The following DPYD variants were observed in gnomAD, a reference collection of about 807,000 sequenced individuals.
The protein encoded by DPYD is dihydropyrimidine dehydrogenase, also known as dihydropyrimidine dehydrogenase [NADP(+)].
DPYD carries 109 observed loss-of-function variants against 116.2 expected under a neutral mutation model. The ratio of observed to expected loss-of-function variants is 0.94; its 90% CI spans 0.80 to 1.10. The LOEUF (loss-of-function observed/expected upper bound fraction) is 1.10, where lower values mean the gene tolerates loss of function less well. Ranked by LOEUF, DPYD falls within the 50% of genes least tolerant of loss-of-function variation. DPYD has a pLI of 0.00. For missense variants in DPYD, 1,302 were observed against 1,254.5 expected (o/e 1.04, Z -0.57); for synonymous variants, 440 against 432.0 (o/e 1.02, Z -0.23).
At chr1:97,641,942 T>C (rs1657932337) in intron 8 of DPYD, among the ~76,000 whole-genome samples, 1 of 152,094 alleles carries the variant, frequency 6.6e-6, no homozygotes, top group African/African-American at 2.4e-5. Flanking sequence ...TCACAAGCAT[T>C]CTTATACACC....
intron 12 of DPYD, chr1:97,546,507 T>A: frequency 1.2e-6 from 2 of 1,601,346 alleles, no homozygotes; most frequent in Admixed American, 1.7e-5. Flanking sequence ...ACAAAGATGA[T>A]GAAGCAGAGT....
intron 3 of DPYD, among the ~76,000 whole-genome samples, chr1:97,795,092 C>G (rs1243231246): frequency 2.0e-5 from 3 of 151,894 alleles, no homozygotes; most frequent in Admixed American, 2.0e-4. Context: ...TGTGAGAAAG[C>G]AGTCTTAACT....
At chr1:97,624,108 A>C (rs2100777603) in intron 8 of DPYD, among the ~76,000 whole-genome samples, 1 of 152,176 alleles carries the variant, frequency 6.6e-6, no homozygotes, top group South Asian at 2.1e-4. Flanking sequence ...CAGGCAACAA[A>C]AGCAAAAATA....
At chr1:97,138,061 T>C (rs1269033097) in intron 20 of DPYD, among the ~76,000 whole-genome samples, 1 of 152,118 alleles carries the variant, frequency 6.6e-6, no homozygotes, top group African/African-American at 2.4e-5. Context: ...CTTTTTTCAG[T>C]GTCCACCAAC....
chr1:97,497,092 A>G (rs1679307900), intron 13 of DPYD, among the ~76,000 whole-genome samples: 1 of 151,830 alleles, frequency 6.6e-6, no homozygotes, highest in African/African-American at 2.4e-5. Flanking sequence ...TTATATCTAG[A>G]ATGATAAAAT....
At chr1:97,088,424 T>C (rs928624354) in intron 21 of DPYD, among the ~76,000 whole-genome samples, 2 of 152,228 alleles carry the variant, frequency 1.3e-5, no homozygotes, top group African/African-American at 2.4e-5. Context: ...TTTGTGAGAC[T>C]GAATTTCCAA....
intron 20 of DPYD, among the ~76,000 whole-genome samples, chr1:97,132,386 T>C (rs1653407214): frequency 6.6e-6 from 1 of 152,152 alleles, no homozygotes; most frequent in African/African-American, 2.4e-5. Flanking sequence ...CCACATTCAT[T>C]AACATAGCTA....
At chr1:97,269,340 A>G (rs1664429302) in intron 18 of DPYD, among the ~76,000 whole-genome samples, 1 of 152,122 alleles carries the variant, frequency 6.6e-6, no homozygotes, top group Non-Finnish European at 1.5e-5. Flanking sequence ...CTGAGCCCTC[A>G]CCAGAATTGT....
At chr1:97,236,087 T>C (rs889591266) in intron 18 of DPYD, among the ~76,000 whole-genome samples, 1 of 152,162 alleles carries the variant, frequency 6.6e-6, no homozygotes, top group Non-Finnish European at 1.5e-5. Flanking sequence ...CATCCCAGAG[T>C]ACATTAATGC....
At chr1:97,199,349 T>G (rs1238492091) in intron 19 of DPYD, among the ~76,000 whole-genome samples, 2 of 152,054 alleles carry the variant, frequency 1.3e-5, no homozygotes, top group Admixed American at 1.3e-4. Context: ...TCAAGCAGAA[T>G]AGAGTTCCAA....
intron 7 of DPYD, among the ~76,000 whole-genome samples, chr1:97,687,521 C>T (rs530258656): frequency 3.9e-5 from 6 of 152,246 alleles, no homozygotes; most frequent in African/African-American, 1.4e-4. Context: ...TGCTTTTACA[C>T]TGTTAGTGGA....
chr1:97,881,437 A>G (rs1409897749), intron 2 of DPYD, among the ~76,000 whole-genome samples: 2 of 152,044 alleles, frequency 1.3e-5, no homozygotes, highest in African/African-American at 4.8e-5. Context: ...TAGCATCCGT[A>G]GGTATAAATA....
intron 20 of DPYD, among the ~76,000 whole-genome samples, chr1:97,142,194 T>C (rs2101697104): frequency 6.6e-6 from 1 of 152,320 alleles, no homozygotes; most frequent in African/African-American, 2.4e-5. Context: ...TCAAGTCAAC[T>C]TGCACTCAAA....
intron 8 of DPYD, among the ~76,000 whole-genome samples, chr1:97,641,958 CA>C (rs1657933714): frequency 1.3e-5 from 2 of 152,146 alleles, no homozygotes; most frequent in African/African-American, 4.8e-5. Flanking sequence ...ACACCAATAA[CA>C]GACAAACCAA....
At chr1:97,686,375 G>T (rs527517179) in intron 7 of DPYD, among the ~76,000 whole-genome samples, 1 of 151,924 alleles carries the variant, frequency 6.6e-6, no homozygotes, top group East Asian at 1.9e-4. Flanking sequence ...GGTGGCTCAC[G>T]CCTGTAATCC....
intron 3 of DPYD, among the ~76,000 whole-genome samples, chr1:97,760,305 T>A (rs905931064): frequency 2.0e-4 from 31 of 152,060 alleles, no homozygotes; most frequent in African/African-American, 7.2e-4. Context: ...AATCTCTCTC[T>A]CACACATACA....
intron 5 of DPYD, among the ~76,000 whole-genome samples, chr1:97,714,207 C>A (rs958407773): frequency 4.6e-5 from 7 of 151,612 alleles, no homozygotes; most frequent in African/African-American, 1.7e-4. Context: ...TCACATAGAC[C>A]CCCCCTTTTT....
Position 97,472,210 on chromosome 1 carries a change from T to G in DPYD, c.1741-21987A>C, listed in dbSNP as rs139936995. ...TGTACTTTCAAACATCCAAAGCTAT[T>G]TAAAGAGGCAATTGCCAGTCTCTGA... On this transcript the variant is annotated intron_variant, in intron 13 of 22. Transcript: ENST00000370192. Among the ~76,000 whole-genome samples the G allele has an allele frequency of 1.3e-3, 203 of 152,294 alleles. 1 individual carries two copies. Among genetic ancestry groups the G allele is most frequent in the African/African-American group, 4.7e-3 (196 of 41,542 alleles).
At chr1:97,724,630 T>G (rs897943611) in intron 4 of DPYD, among the ~76,000 whole-genome samples, 4 of 151,546 alleles carry the variant, frequency 2.6e-5, no homozygotes, top group African/African-American at 9.6e-5. Context: ...ATTCAGTCCT[T>G]TAACTGATTA....
Sources: gnomAD v4.1 joint callset for allele counts (sites outside exome capture counted in the v4.1 genomes callset) on GRCh38, gnomAD v4.1.1 for gene constraint, MANE v1.5 for transcripts, NCBI Gene and HGNC (gene_info 2026-07-23, HGNC 2026-07-21) for gene names.